ZFYVE28: variants seen among roughly 807,000 people sequenced by gnomAD.
The protein encoded by ZFYVE28 is lateral signaling target protein 2 homolog.
ZFYVE28 carries 40 observed loss-of-function variants against 82.1 expected under a neutral mutation model. The observed-to-expected ratio is 0.49, with a 90% CI of 0.38 to 0.63. The LOEUF is 0.63. ZFYVE28 is among the 30% of genes least tolerant of loss of function. The probability of loss-of-function intolerance (pLI) is 0.00; values close to 1 mark genes in which losing one functional copy is unlikely to be tolerated. For synonymous variants in ZFYVE28, 612 were observed against 546.1 expected (o/e 1.12, Z -1.68); for missense variants, 1,321 against 1,242.1 (o/e 1.06, Z -0.96).
chr4:2,357,177 G>A (rs1238874258), intron 1 of ZFYVE28, among the ~76,000 whole-genome samples: 2 of 152,196 alleles, frequency 1.3e-5, no homozygotes, highest in Admixed American at 6.5e-5. Flanking sequence ...GATTACAGGC[G>A]TGAGCCACCG....
intron 8 of ZFYVE28, among the ~76,000 whole-genome samples, chr4:2,280,982 C>T (rs1043180529): frequency 3.3e-5 from 5 of 152,160 alleles, no homozygotes; most frequent in African/African-American, 7.2e-5. Context: ...AGGTTGAGAC[C>T]GAGGCCAGGC....
intron 8 of ZFYVE28, among the ~76,000 whole-genome samples, chr4:2,290,559 C>G (rs751734789): frequency 3.2e-4 from 49 of 152,318 alleles, no homozygotes; most frequent in Middle Eastern, 3.4e-3. Flanking sequence ...AAGCCGGGGG[C>G]CATGGGGGCA....
intron 7 of ZFYVE28, among the ~76,000 whole-genome samples, chr4:2,308,635 AAG>A (rs1163437462): frequency 2.5e-5 from 3 of 118,116 alleles, no homozygotes; most frequent in East Asian, 4.3e-4. Flanking sequence ...GACAGAAAGA[AAG>A]AAAGAAAGAA....
chr4:2,378,360 G>A lies in ZFYVE28; in HGVS notation c.40-24287C>T, dbSNP rs769179895. On this transcript the variant is annotated intron_variant, in intron 1 of 12. Transcript: ENST00000290974. Reference sequence around the variant, plus strand: ...TGTCTCAAAAAAATAAAAAAATATCGTTATCATAACTTATGGGACCACCAT... The same window carrying A: ...TGTCTCAAAAAAATAAAAAAATATCATTATCATAACTTATGGGACCACCAT... 1.2e-4 allele frequency among the ~76,000 whole-genome samples: 18 copies of A among 152,194 alleles called. 1 individual carries two copies. The highest frequency in any genetic ancestry group is 2.4e-4 in the African/African-American group (10 of 41,536).
rs941221879 is a variant in ZFYVE28 at position 2,354,072 on chromosome 4, C to A, written c.41G>T (p.Arg14Met). The change falls in exon 2 of 13, where the codon AGG (arginine) becomes ATG (methionine). Residue 14 changes from arginine to methionine, a missense_variant and splice_region_variant. Physicochemically the swap from Arg to Met is moderately conservative, Grantham distance 91 (BLOSUM62 -1). This residue lies in a region of ZFYVE28 where 343 missense variants were observed against 408.4 expected (regional missense o/e 0.84). Coordinates refer to ENST00000290974, the MANE Select transcript of ZFYVE28 (RefSeq NM_020972.3). ...CCGGGCAAGCAGCTGCGGATCCGAC[C>A]TCTGCAGGAGAGAGGGGCCAGGGCC... is the stretch of plus-strand genomic sequence containing the variant. ...RFRKWLYKPK[R>M]SDPQLLARFY... The A allele has an allele frequency of 1.9e-6, 3 of 1,556,118 alleles. No individual in the cohort carries two copies. The highest frequency in any genetic ancestry group is 2.8e-5 in the African/African-American group (2 of 72,686).
chr4:2,415,931 G>A (rs1732991684), intron 1 of ZFYVE28, among the ~76,000 whole-genome samples: 2 of 152,230 alleles, frequency 1.3e-5, no homozygotes. Context: ...GCTATGGCCA[G>A]AGACAGATCT....
At chr4:2,354,423 G>A (rs1578220247) in intron 1 of ZFYVE28, among the ~76,000 whole-genome samples, 2 of 151,068 alleles carry the variant, frequency 1.3e-5, no homozygotes, top group African/African-American at 2.4e-5. Context: ...GGTCCCCGGC[G>A]CTCCAGGCGA....
intron 1 of ZFYVE28, among the ~76,000 whole-genome samples, chr4:2,391,752 T>TG (rs1553863377): frequency 1.3e-5 from 2 of 150,674 alleles, no homozygotes; most frequent in Non-Finnish European, 3.0e-5. Flanking sequence ...TTTTTTTTTT[T>TG]TGTGACTGAG....
rs915579005 is a variant in ZFYVE28, at chr4:2,328,690, G to GA, written c.701+7014dup. 93 of 153,406 alleles carry GA rather than the reference G, an allele frequency of 6.1e-4. No homozygotes were observed. The Middle Eastern group carries it at 0.013, about 21-fold the overall frequency. The allele number at this position is 153,406 out of a possible 1,614,324, so 9.5% of individuals were successfully genotyped here. On this transcript the variant is annotated intron_variant, in intron 6 of 12. Transcript: ENST00000290974. ...AATTGCCAGTTTATCATTATAAAAAGAAAAAAAAATACCTTCACAGCAACA... is the reference window on the plus strand; with the variant it reads ...AATTGCCAGTTTATCATTATAAAAAGAAAAAAAAAATACCTTCACAGCAACA...
intron 1 of ZFYVE28, among the ~76,000 whole-genome samples, chr4:2,390,453 T>A (rs1729710441): frequency 6.6e-6 from 1 of 152,156 alleles, no homozygotes; most frequent in Non-Finnish European, 1.5e-5. Flanking sequence ...GAAGCAACTG[T>A]GCCTCAGCTG....
chr4:2,405,965 C>G (rs1310116003), intron 1 of ZFYVE28, among the ~76,000 whole-genome samples: 2 of 150,054 alleles, frequency 1.3e-5, no homozygotes, highest in Non-Finnish European at 3.0e-5. Flanking sequence ...AGGAGGATCA[C>G]TTGAATTTGG....
intron 6 of ZFYVE28, among the ~76,000 whole-genome samples, chr4:2,333,174 C>T (rs1025436305): frequency 1.3e-5 from 2 of 150,536 alleles, no homozygotes; most frequent in African/African-American, 2.5e-5. Context: ...AACCTCCCTC[C>T]CTTGGCCTCC....
intron 6 of ZFYVE28, among the ~76,000 whole-genome samples, chr4:2,331,931 G>A: frequency 6.6e-6 from 1 of 152,236 alleles, no homozygotes; most frequent in East Asian, 1.9e-4. Context: ...TTGTGTCACA[G>A]GTGAATAGCA....
chr4:2,292,799 C>A (rs946356299), intron 8 of ZFYVE28, among the ~76,000 whole-genome samples: 2 of 152,192 alleles, frequency 1.3e-5, no homozygotes, highest in African/African-American at 2.4e-5. Context: ...CACTCCCCAG[C>A]TCCTCCTGGA....
intron 2 of ZFYVE28, among the ~76,000 whole-genome samples, chr4:2,351,498 G>C (rs2108879252): frequency 6.6e-6 from 1 of 152,324 alleles, no homozygotes; most frequent in Non-Finnish European, 1.5e-5. Context: ...TGGATCACTT[G>C]AGTTCAGGAG....
chr4:2,316,384 A>G (rs974652962), intron 7 of ZFYVE28: 1 of 152,228 alleles, frequency 6.6e-6, no homozygotes, highest in Admixed American at 6.5e-5. Context: ...ATTGATGCCA[A>G]AGTTTAGTGC....
chr4:2,396,136 T>TGGGAAGCCGCAAGGAGCCCCGG lies in ZFYVE28; in HGVS notation c.39+22148_39+22149insCCGGGGCTCCTTGCGGCTTCCC, dbSNP rs1553864559. On this transcript the variant is annotated intron_variant, in intron 1 of 12. Transcript: ENST00000290974. Reference sequence around the variant, plus strand: ...CAGAGGGGCCACAAGGCGGGGTGTCTGAGCTGATGGGACCAGCCATCCTGC... The same window carrying TGGGAAGCCGCAAGGAGCCCCGG: ...CAGAGGGGCCACAAGGCGGGGTGTCTGGGAAGCCGCAAGGAGCCCCGGGAGCTGATGGGACCAGCCATCCTGC... Among the ~76,000 whole-genome samples the TGGGAAGCCGCAAGGAGCCCCGG allele has an allele frequency of 2.9e-3, 181 of 61,928 alleles. 12 individuals are homozygous for TGGGAAGCCGCAAGGAGCCCCGG. Among genetic ancestry groups the TGGGAAGCCGCAAGGAGCCCCGG allele is most frequent in the Non-Finnish European group, 3.8e-3 (106 of 27,576 alleles). 40.6% of individuals were successfully genotyped at this position (61,928 alleles called of 152,430 possible). A position where few individuals can be genotyped will look rare whatever the true frequency, so the allele number is the denominator to read the frequency against.
At chr4:2,336,850 AGTGAGAAG>A (rs1304709085) in intron 5 of ZFYVE28, among the ~76,000 whole-genome samples, 1 of 124,304 alleles carries the variant, frequency 8.0e-6, no homozygotes, top group Non-Finnish European at 1.7e-5. Context: ...GGAGGTGAGG[AGTGAGAAG>A]GTGAGGAGGG....
intron 8 of ZFYVE28, among the ~76,000 whole-genome samples, chr4:2,296,221 C>T (rs913129814): frequency 3.9e-5 from 6 of 152,216 alleles, no homozygotes; most frequent in African/African-American, 1.4e-4. Flanking sequence ...TGCTGGCCTG[C>T]GTGCCTACTG....
Sources: allele counts gnomAD v4.1 joint callset (sites outside exome capture counted in the v4.1 genomes callset), GRCh38; gene constraint gnomAD v4.1.1; regional missense constraint gnomAD v4.1.1; transcripts MANE v1.5; gene names NCBI Gene and HGNC (gene_info 2026-07-23, HGNC 2026-07-21).